Variants in PDE7A observed in about 807,000 individuals in gnomAD.
PDE7A encodes the protein high affinity 3',5'-cyclic-AMP phosphodiesterase 7A.
In PDE7A, 39 loss-of-function variants were observed where a neutral mutation model predicts 64.3. The observed-to-expected ratio is 0.61, with a 90% CI of 0.47 to 0.79. PDE7A has a LOEUF of 0.79. PDE7A is among the 30% of genes least tolerant of loss of function. PDE7A has a pLI of 0.00. For synonymous variants in PDE7A, 203 were observed against 206.8 expected (o/e 0.98, Z 0.16); for missense variants, 470 against 582.8 (o/e 0.81, Z 1.99).
intron 1 of PDE7A, among the ~76,000 whole-genome samples, chr8:65,833,336 T>A (rs528694344): frequency 6.6e-6 from 1 of 152,314 alleles, no homozygotes; most frequent in African/African-American, 2.4e-5. Flanking sequence ...GAACATGGCA[T>A]TTAGAACAAA....
intron 3 of PDE7A, among the ~76,000 whole-genome samples, chr8:65,750,888 G>C (rs1049122388): frequency 6.6e-6 from 1 of 152,142 alleles, no homozygotes; most frequent in African/African-American, 2.4e-5. Flanking sequence ...AAGTTAAGCT[G>C]CAAATGAGTA....
intron 3 of PDE7A, among the ~76,000 whole-genome samples, chr8:65,775,352 T>G (rs981156065): frequency 1.3e-5 from 2 of 152,238 alleles, no homozygotes; most frequent in African/African-American, 4.8e-5. Flanking sequence ...TTTCTTGAGT[T>G]GGACTACTTA....
intron 7 of PDE7A, chr8:65,727,531 TAC>T: frequency 2.3e-6 from 1 of 437,126 alleles, no homozygotes; most frequent in Non-Finnish European, 4.0e-6. Flanking sequence ...ATGTGGAGTT[TAC>T]AGAGTTCATC....
At chr8:65,799,176 A>C (rs942716532) in intron 1 of PDE7A, among the ~76,000 whole-genome samples, 1 of 152,190 alleles carries the variant, frequency 6.6e-6, no homozygotes, top group Non-Finnish European at 1.5e-5. Context: ...TACTAGTTGC[A>C]TGAGTGTACC....
At chr8:65,827,437 T>C (rs72650508) in intron 1 of PDE7A, among the ~76,000 whole-genome samples, 3 of 152,336 alleles carry the variant, frequency 2.0e-5, no homozygotes, top group Non-Finnish European at 4.4e-5. Flanking sequence ...TAAATTTAAA[T>C]ATAACAGAAA....
chr8:65,727,431 T>TG, intron 7 of PDE7A, 130 bp from the exon 8 acceptor site: 2 of 1,334,032 alleles, frequency 1.5e-6, no homozygotes, highest in Non-Finnish European at 2.0e-6. Context: ...ATTCCTCAGG[T>TG]GGTTGTTCAT....
rs1806280536 is a variant in PDE7A, at chr8:65,719,358, T to C, written c.1381A>G (p.Ser461Gly). The C allele has an allele frequency of 6.2e-7, 1 of 1,614,180 alleles. No individual in the cohort carries two copies. Among genetic ancestry groups the C allele is most frequent in the Non-Finnish European group, 8.5e-7 (1 of 1,179,980 alleles). Residue 461 changes from serine to glycine, a missense_variant, in exon 13 of 13, where the codon AGT becomes GGT. Physicochemically the swap from Ser to Gly is moderately conservative, Grantham distance 56. Coordinates refer to ENST00000401827, the MANE Select transcript of PDE7A (RefSeq NM_001242318.3). ...TCAAATGCAGCATCAGTGTCCTCAC[T>C]GCTCGACTGTTCTCTCTGCAGTCCC... Reference protein sequence around the residue: ...WKGLQREQSSSEDTDAAFELN... With the variant: ...WKGLQREQSSGEDTDAAFELN...
At chr8:65,733,754 C>T (rs1354649382) in intron 7 of PDE7A, among the ~76,000 whole-genome samples, 2 of 152,138 alleles carry the variant, frequency 1.3e-5, no homozygotes, top group Non-Finnish European at 2.9e-5. Context: ...GATATATATA[C>T]TAAAAAACGG....
intron 1 of PDE7A, among the ~76,000 whole-genome samples, chr8:65,815,627 G>A (rs543669499): frequency 1.6e-5 from 2 of 124,750 alleles, no homozygotes; most frequent in East Asian, 3.9e-4. Context: ...ATAGTCAGAT[G>A]ATTCTCAAAG....
rs28515659 is a variant in PDE7A, at chr8:65,719,372, C to T, written c.1367G>A (p.Arg456Lys). 10,670 of 1,614,000 alleles carry T rather than the reference C, an allele frequency of 6.6e-3. 496 individuals are homozygous for T. In the African/African-American group the frequency reaches 0.11, roughly 17 times the overall value. Residue 456 changes from arginine to lysine, a missense_variant, in exon 13 of 13, where the codon AGA (arginine) becomes AAA (lysine). Arg to Lys is a conservative substitution (Grantham distance 26). Coordinates refer to ENST00000401827, the MANE Select transcript of PDE7A (RefSeq NM_001242318.3). ...AGTGTCCTCACTGCTCGACTGTTCTCTCTGCAGTCCCTTCCAGCTGGCTTT... is the reference window on the plus strand; with the variant it reads ...AGTGTCCTCACTGCTCGACTGTTCTTTCTGCAGTCCCTTCCAGCTGGCTTT... ...LNKASWKGLQ[R>K]EQSSSEDTDA...
At chr8:65,789,230 G>A (rs1376837794) in intron 1 of PDE7A, 2 of 367,260 alleles carry the variant, frequency 5.4e-6, no homozygotes, top group East Asian at 8.7e-5. Flanking sequence ...AGTGAGCGCT[G>A]ACCTAACAGT....
chr8:65,841,352 G>A lies in PDE7A; in HGVS notation c.138+19C>T. On this transcript the variant is annotated intron_variant, in intron 1 of 12. Transcript: ENST00000401827. Reference sequence around the variant, plus strand: ...AAAAGAGAGAAGCCCTCAAGTGTGGGCCCGGCGGCGGCGATTACCTGAGAG... The same window carrying A: ...AAAAGAGAGAAGCCCTCAAGTGTGGACCCGGCGGCGGCGATTACCTGAGAG... 2 of 1,523,970 alleles carry A rather than the reference G, an allele frequency of 1.3e-6. No individual in the cohort carries two copies. The highest frequency in any genetic ancestry group is 1.2e-5 in the South Asian group (1 of 81,190). The allele number at this position is 1,523,970 out of a possible 1,614,324, so 94.4% of individuals were successfully genotyped here.
At chr8:65,823,295 CAAAG>C (rs1178704696) in intron 1 of PDE7A, among the ~76,000 whole-genome samples, 1 of 152,056 alleles carries the variant, frequency 6.6e-6, no homozygotes, top group African/African-American at 2.4e-5. Context: ...CATTGTGAGA[CAAAG>C]AAAACATTAA....
chr8:65,793,978 G>C (rs1310227388), intron 1 of PDE7A, among the ~76,000 whole-genome samples: 1 of 152,180 alleles, frequency 6.6e-6, no homozygotes, highest in Non-Finnish European at 1.5e-5. Flanking sequence ...GGGTAGGCTA[G>C]AACAAATGAC....
chr8:65,768,386 G>T (rs1231237749), intron 3 of PDE7A, among the ~76,000 whole-genome samples: 1 of 152,046 alleles, frequency 6.6e-6, no homozygotes, highest in Non-Finnish European at 1.5e-5. Context: ...AATCATGGGG[G>T]TGCTAATTCT....
chr8:65,771,022 C>T (rs543309839), intron 3 of PDE7A: 28 of 379,118 alleles, frequency 7.4e-5, no homozygotes, highest in Non-Finnish European at 1.4e-4. Context: ...ATTTATAAGC[C>T]TTAAGAGAAT....
chr8:65,814,922 A>C (rs1239482053), intron 1 of PDE7A, among the ~76,000 whole-genome samples: 1 of 152,014 alleles, frequency 6.6e-6, no homozygotes, highest in African/African-American at 2.4e-5. Flanking sequence ...TTTCTACTAA[A>C]ATACAAAAAT....
intron 3 of PDE7A, among the ~76,000 whole-genome samples, chr8:65,760,061 G>A (rs1373144459): frequency 6.6e-6 from 1 of 152,050 alleles, no homozygotes; most frequent in East Asian, 1.9e-4. Flanking sequence ...CTAATATGGT[G>A]AAACCCCATC....
chr8:65,743,199 A>G (rs981231773), intron 5 of PDE7A, among the ~76,000 whole-genome samples: 7 of 152,184 alleles, frequency 4.6e-5, no homozygotes, highest in African/African-American at 1.7e-4. Context: ...GCCTTGAGAT[A>G]ATACCTAAAA....
Sources: allele counts gnomAD v4.1 joint callset (sites outside exome capture counted in the v4.1 genomes callset), GRCh38; gene constraint gnomAD v4.1.1; transcripts MANE v1.5; gene names NCBI Gene and HGNC (gene_info 2026-07-23, HGNC 2026-07-21).